HIVEP2: variants seen among roughly 807,000 people sequenced by gnomAD.
HIVEP2 encodes the protein transcription factor HIVEP2.
In HIVEP2, 14 loss-of-function variants were observed where a neutral mutation model predicts 180.7. The observed-to-expected ratio is 0.08, with a 90% confidence interval of 0.05 to 0.12. The LOEUF is 0.12. Ranked by LOEUF, HIVEP2 falls within the 10% of genes least tolerant of loss-of-function variation. The probability of loss-of-function intolerance (pLI) is 1.00; values close to 1 mark genes in which losing one functional copy is unlikely to be tolerated. For missense variants in HIVEP2, 2,579 were observed against 3,008.5 expected, an observed-to-expected ratio of 0.86 and a Z score of 3.34; for synonymous variants, 1,184 against 1,136.4, an observed-to-expected ratio of 1.04 and a Z score of -0.84.
chr6:142,867,585 T>C (rs1776172201), intron 1 of HIVEP2, among the ~76,000 whole-genome samples: 1 of 152,188 alleles, frequency 6.6e-6, no homozygotes, highest in African/African-American at 2.4e-5. Flanking sequence ...AGCTGATATA[T>C]TACTCTACTT....
chr6:142,882,178 A>C (rs970408622), intron 1 of HIVEP2, among the ~76,000 whole-genome samples: 1 of 152,234 alleles, frequency 6.6e-6, no homozygotes, highest in Non-Finnish European at 1.5e-5. Context: ...AAGCCCATCC[A>C]TTTATTAGGC....
Position 142,751,883 on chromosome 6 carries a change from G to C in HIVEP2, c.*1224C>G, listed in dbSNP as rs1367493920. The C allele has an allele frequency of 6.5e-6, 1 of 152,876 alleles. No homozygotes were observed. The highest frequency in any genetic ancestry group is 1.5e-5 in the Non-Finnish European group (1 of 68,246). The allele number at this position is 152,876 out of a possible 1,614,324, so 9.5% of individuals were successfully genotyped here. A position where few individuals can be genotyped will look rare whatever the true frequency, so the allele number is the denominator to read the frequency against. The stretch of plus-strand genomic sequence containing the variant: ...CCATGTAAACCGGCTGACAGGAAGA[G>C]CTGGGGAGCAGGTCTCCATCTCCTT... On this transcript the variant is annotated 3_prime_UTR_variant, in exon 10 of 10. Coordinates refer to ENST00000367603, the MANE Select transcript of HIVEP2 (RefSeq NM_006734.4).
chr6:142,834,217 C>T (rs1775166808), intron 2 of HIVEP2, among the ~76,000 whole-genome samples: 1 of 152,002 alleles, frequency 6.6e-6, no homozygotes, highest in Non-Finnish European at 1.5e-5. Context: ...CATATAAAGG[C>T]ATATCAAAGA....
rs1392691482 is a variant in HIVEP2, at chr6:142,775,085, A to C, written c.-347T>G. The C allele has an allele frequency of 9.7e-7, 1 of 1,029,432 alleles. No homozygotes were observed. Among genetic ancestry groups the C allele is most frequent in the African/African-American group, 1.7e-5 (1 of 59,006 alleles). The allele number at this position is 1,029,432 out of a possible 1,614,324, so 63.8% of individuals were successfully genotyped here. On this transcript the variant is annotated 5_prime_UTR_variant, in exon 5 of 10. Coordinates refer to ENST00000367603, the MANE Select transcript of HIVEP2 (RefSeq NM_006734.4). ...CTAGGAGAAATTTTGCCCATCAACT[A>C]GAGCAAAGTTCAATTGCCAGTTTCA...
intron 1 of HIVEP2, among the ~76,000 whole-genome samples, chr6:142,845,577 T>C (rs1185264597): frequency 6.6e-6 from 1 of 152,232 alleles, no homozygotes. Flanking sequence ...GTTACAGAGT[T>C]AAATTTGCAA....
At position 142,770,026 on chromosome 6, in the gene HIVEP2, G is replaced by A. The variant is rs537632099; in HGVS notation, c.4713C>T (p.Ile1571=). 6.2e-6 allele frequency: 10 copies of A among 1,614,124 alleles called. 1 individual carries two copies. The South Asian group carries it at 7.7e-5, about 12-fold the overall frequency. ...ESKESSDELD[I]DETASDMSMS... Reference sequence around the variant, plus strand: ...TGCTCATGTCCGATGCCGTCTCATCGATATCTAATTCATCTGAAGATTCTT... The same window carrying A: ...TGCTCATGTCCGATGCCGTCTCATCAATATCTAATTCATCTGAAGATTCTT... Residue 1571 remains isoleucine, a synonymous_variant, in exon 5 of 10, where the codon ATC becomes ATT. Transcript: ENST00000367603. The surrounding 1 kb of genome is among the most constrained non-coding windows in gnomAD (Gnocchi z 4.7).
intron 1 of HIVEP2, among the ~76,000 whole-genome samples, chr6:142,896,810 C>G (rs1325969571): frequency 6.6e-6 from 1 of 152,176 alleles, no homozygotes; most frequent in Non-Finnish European, 1.5e-5. Flanking sequence ...CATCTTTCCT[C>G]TATATCATCT....
intron 1 of HIVEP2, among the ~76,000 whole-genome samples, chr6:142,840,027 G>A (rs1289397968): frequency 6.6e-6 from 1 of 152,108 alleles, no homozygotes; most frequent in African/African-American, 2.4e-5. Context: ...TATCAGCTTA[G>A]GATGGGAAGG....
At chr6:142,859,583 C>T (rs1775915923) in intron 1 of HIVEP2, among the ~76,000 whole-genome samples, 1 of 151,346 alleles carries the variant, frequency 6.6e-6, no homozygotes. Context: ...TCAGTAATCC[C>T]AGCACTTTGG....
chr6:142,815,497 T>A (rs554076782), intron 2 of HIVEP2, among the ~76,000 whole-genome samples: 1 of 152,330 alleles, frequency 6.6e-6, no homozygotes, highest in Non-Finnish European at 1.5e-5. Flanking sequence ...GCCTTTTACA[T>A]GAATAATTCC....
intron 1 of HIVEP2, among the ~76,000 whole-genome samples, chr6:142,854,305 C>T (rs1775763463): frequency 6.6e-6 from 1 of 152,132 alleles, no homozygotes; most frequent in Admixed American, 6.6e-5. Context: ...TTCTACAATG[C>T]ACAGGATAGT....
At chr6:142,921,425 C>T (rs1777680841) in intron 1 of HIVEP2, among the ~76,000 whole-genome samples, 1 of 152,182 alleles carries the variant, frequency 6.6e-6, no homozygotes, top group African/African-American at 2.4e-5. Context: ...ATCCCAGCTA[C>T]TGGGGAGGCT....
rs115941396 is a variant in HIVEP2 at position 142,939,377 on chromosome 6, T to C, written c.-641+5722A>G. Among the ~76,000 whole-genome samples, 346 of 152,076 alleles carry C rather than the reference T, an allele frequency of 2.3e-3. 3 individuals carry two copies. The highest frequency in any genetic ancestry group is 6.7e-3 in the African/African-American group (276 of 41,472). On this transcript the variant is annotated intron_variant, in intron 1 of 9. Coordinates refer to ENST00000367603, the MANE Select transcript of HIVEP2 (RefSeq NM_006734.4). ...CATAAGCTTTCTGAAACACACACTT[T>C]ATAGCATCACCTCTCTGCTCAAAAA...
At chr6:142,812,440 C>T (rs147779946) in intron 2 of HIVEP2, among the ~76,000 whole-genome samples, 2 of 152,234 alleles carry the variant, frequency 1.3e-5, no homozygotes, top group African/African-American at 4.8e-5. Flanking sequence ...TGCCCTGGTC[C>T]TACCTAACAA....
intron 1 of HIVEP2, among the ~76,000 whole-genome samples, chr6:142,927,271 G>A (rs915689175): frequency 6.6e-6 from 1 of 152,188 alleles, no homozygotes; most frequent in Non-Finnish European, 1.5e-5. Flanking sequence ...CGCACTGGCC[G>A]GGCGCACTTT....
chr6:142,833,968 G>A (rs1031197599), intron 2 of HIVEP2, among the ~76,000 whole-genome samples: 53 of 152,194 alleles, frequency 3.5e-4, no homozygotes, highest in African/African-American at 1.2e-3. Context: ...AATATAAAAG[G>A]AAGTCCTGTA....
chr6:142,878,478 T>C (rs1776500439), intron 1 of HIVEP2, among the ~76,000 whole-genome samples: 1 of 152,182 alleles, frequency 6.6e-6, no homozygotes, highest in Admixed American at 6.5e-5. Context: ...TCAAAGCCTA[T>C]TTCTCGCCTT....
chr6:142,932,610 T>G (rs1777965770), intron 1 of HIVEP2, among the ~76,000 whole-genome samples: 1 of 152,158 alleles, frequency 6.6e-6, no homozygotes, highest in Non-Finnish European at 1.5e-5. Context: ...AAAGAATACT[T>G]AAGGTGAACA....
chr6:142,914,201 TA>T (rs1777492503), intron 1 of HIVEP2, among the ~76,000 whole-genome samples: 1 of 152,216 alleles, frequency 6.6e-6, no homozygotes, highest in Non-Finnish European at 1.5e-5. Context: ...CCATCAAATT[TA>T]AGTGGTCTAC....
Sources: gnomAD v4.1 joint callset for allele counts (sites outside exome capture counted in the v4.1 genomes callset) on GRCh38, gnomAD v4.1.1 for gene constraint, Gnocchi (gnomAD v3.1) non-coding constraint, MANE v1.5 for transcripts, NCBI Gene and HGNC (gene_info 2026-07-23, HGNC 2026-07-21) for gene names.